Variants in CBL observed in about 807,000 individuals in gnomAD.
CBL encodes E3 ubiquitin-protein ligase CBL.
Under a neutral mutation model 96.9 loss-of-function variants are expected in CBL, and 45 were observed. The observed-to-expected ratio is 0.46, with a 90% confidence interval of 0.37 to 0.60. The LOEUF is 0.60. Among genes scored for constraint, CBL ranks in the 20% least tolerant of loss-of-function variants. The pLI, the probability that CBL is intolerant of heterozygous loss-of-function variation, is 0.00. For synonymous variants in CBL, 420 were observed against 426.8 expected (o/e 0.98, Z 0.20); for missense variants, 1,024 against 1,143.5 (o/e 0.90, Z 1.51).
chr11:119,296,079 A>G (rs1231907093), intron 12 of CBL, among the ~76,000 whole-genome samples: 3 of 152,208 alleles, frequency 2.0e-5, no homozygotes, highest in Non-Finnish European at 4.4e-5. Flanking sequence ...TTCTGTGTTA[A>G]GTTTCTATAG....
At chr11:119,248,369 C>A (rs1395184790) in intron 2 of CBL, among the ~76,000 whole-genome samples, 1 of 152,106 alleles carries the variant, frequency 6.6e-6, no homozygotes, top group Non-Finnish European at 1.5e-5. Flanking sequence ...AATGGAGAAA[C>A]AACAGTCTTT....
chr11:119,285,044 C>T lies in CBL; in HGVS notation c.1507C>T (p.Leu503=), dbSNP rs1592405051. The T allele has an allele frequency of 6.2e-7, 1 of 1,614,226 alleles. No homozygotes were observed. Among genetic ancestry groups the T allele is most frequent in the Non-Finnish European group, 8.5e-7 (1 of 1,180,040 alleles). The part of the protein sequence containing the change: ...LPPVPPRLDL[L]PQRVCVPSSA... ...CCCGGTGCCACCACGACTTGACCTT[C>T]TGCCGCAGCGAGTATGTGTTCCCTC... Residue 503 remains leucine (L), a synonymous_variant, in exon 10 of 16, where the codon CTG becomes TTG. Transcript: ENST00000264033.
rs1222060551 is a variant in CBL, at chr11:119,206,467, C to A, written c.50C>A (p.Ser17Tyr). The A allele has an allele frequency of 6.3e-7, 1 of 1,576,150 alleles. No individual in the cohort carries two copies. Among genetic ancestry groups the A allele is most frequent in the African/African-American group, 1.4e-5 (1 of 73,774 alleles). Residue 17 changes from serine (S) to tyrosine (Y), a missense_variant, in exon 1 of 16, where the codon TCC becomes TAC. Ser to Tyr is a moderately radical substitution (Grantham distance 144). Coordinates refer to ENST00000264033, the MANE Select transcript of CBL (RefSeq NM_005188.4). ...TCTGGGGCCGGGGGCGGCAGCGGCT[C>A]CGGGGGCTCGGGTTCGGGTGGCCTG... The part of the protein sequence containing the change: ...KSSGAGGGSG[S>Y]GGSGSGGLIG...
chr11:119,248,801 ATTC>A (rs967729061), intron 2 of CBL, among the ~76,000 whole-genome samples: 2 of 152,220 alleles, frequency 1.3e-5, no homozygotes, highest in African/African-American at 4.8e-5. Flanking sequence ...AAACAAACCA[ATTC>A]AAAAATGCTC....
Position 119,298,415 on chromosome 11 carries a change from A to G in CBL, c.2309A>G (p.Glu770Gly), listed in dbSNP as rs1950077955. Reference protein sequence around the residue: ...ANTGPEESENEDDGYDVPKPP... With the variant: ...ANTGPEESENGDDGYDVPKPP... The stretch of plus-strand genomic sequence containing the variant: ...ACTGGTCCCGAGGAGTCAGAAAATG[A>G]GGATGATGGGTATGATGTCCCAAAG... The change falls in exon 15 of 16, where the codon GAG becomes GGG. Residue 770 changes from glutamate to glycine, a missense_variant. Around this residue, in one of 4 missense-constraint regions of CBL, gnomAD observed 695 missense variants for 661.6 expected, o/e 1.05. Transcript: ENST00000264033. 3.1e-6 allele frequency: 5 copies of G among 1,614,108 alleles called. No individual in the cohort carries two copies. Among genetic ancestry groups the G allele is most frequent in the Non-Finnish European group, 1.7e-6 (2 of 1,180,032 alleles).
intron 1 of CBL, among the ~76,000 whole-genome samples, chr11:119,231,420 CAAACA>C: frequency 6.7e-6 from 1 of 149,672 alleles, no homozygotes; most frequent in Non-Finnish European, 1.5e-5. Context: ...AAACAAAAAA[CAAACA>C]AAGGGCCTGT....
chr11:119,297,314 G>T, intron 13 of CBL, 70 bp from the exon 14 acceptor site: 1 of 1,227,744 alleles, frequency 8.1e-7, no homozygotes. Context: ...ACGAGAAGAT[G>T]AATCTTCATA....
chr11:119,219,872 C>T (rs1275854802), intron 1 of CBL, among the ~76,000 whole-genome samples: 2 of 135,654 alleles, frequency 1.5e-5, no homozygotes, highest in African/African-American at 2.8e-5. Context: ...TTTTTTGAGA[C>T]GGAGTCTTGC....
chr11:119,276,161 T>C (rs747803813), intron 6 of CBL, 27 bp downstream of exon 6: 82 of 1,613,430 alleles, frequency 5.1e-5, no homozygotes, highest in Non-Finnish European at 1.1e-5. Flanking sequence ...TACCATCTGT[T>C]AGAGTCTGGG....
intron 2 of CBL, among the ~76,000 whole-genome samples, chr11:119,244,244 G>C (rs1345355615): frequency 6.6e-6 from 1 of 152,164 alleles, no homozygotes; most frequent in Non-Finnish European, 1.5e-5. Flanking sequence ...GTCACAGTTA[G>C]TTCTCAGCAT....
intron 2 of CBL, among the ~76,000 whole-genome samples, chr11:119,264,438 C>CTTCTCTTCTCTTTTCTTCTTTTCTCTT (rs1565868365): frequency 1.1e-5 from 1 of 93,604 alleles, no homozygotes; most frequent in Non-Finnish European, 2.4e-5. Flanking sequence ...CTTCTCTTCT[C>CTTCTCTTCTCTTTTCTTCTTTTCTCTT]TTCTTTCTCT....
intron 11 of CBL, among the ~76,000 whole-genome samples, chr11:119,286,725 T>G (rs926691313): frequency 1.3e-5 from 2 of 152,160 alleles, no homozygotes; most frequent in African/African-American, 4.8e-5. Context: ...AGGTTATTGG[T>G]CCTTTGTCTA....
At chr11:119,288,212 C>G (rs946159184) in intron 12 of CBL, among the ~76,000 whole-genome samples, 1 of 152,134 alleles carries the variant, frequency 6.6e-6, no homozygotes, top group Non-Finnish European at 1.5e-5. Context: ...TGTTTCATTG[C>G]TCTGCGCTCT....
chr11:119,277,611 TA>T, intron 6 of CBL, 145 bp from the exon 7 acceptor site: 1 of 654,852 alleles, frequency 1.5e-6, no homozygotes, highest in East Asian at 2.7e-5. Context: ...TTTTTGGAAG[TA>T]TTTTTTTTTT....
At chr11:119,249,613 A>G (rs34340573) in intron 2 of CBL, among the ~76,000 whole-genome samples, 3 of 150,920 alleles carry the variant, frequency 2.0e-5, no homozygotes, top group Non-Finnish European at 2.9e-5. Flanking sequence ...AACAAAAGGG[A>G]AAGGAAAGTG....
At position 119,300,562 on chromosome 11, in the gene CBL, T is replaced by TATA. The variant is rs1950094710; in HGVS notation, c.*782_*784dup. ...AGGAAAAGTACTGTTGCTACACTAT[T>TATA]ATAGGCATGTTTGATACTAGCAGCT... On this transcript the variant is annotated 3_prime_UTR_variant, in exon 16 of 16. Coordinates refer to ENST00000264033, the MANE Select transcript of CBL (RefSeq NM_005188.4). 5.0e-6 allele frequency: 2 copies of TATA among 399,540 alleles called. No homozygotes were observed. The highest frequency in any genetic ancestry group is 7.1e-5 in the East Asian group (2 of 28,102). 24.7% of individuals were successfully genotyped at this position (399,540 alleles called of 1,614,324 possible). A position where few individuals can be genotyped will look rare whatever the true frequency, so the allele number is the denominator to read the frequency against.
chr11:119,234,638 A>G (rs1387275353), intron 2 of CBL, among the ~76,000 whole-genome samples: 4 of 152,210 alleles, frequency 2.6e-5, no homozygotes, highest in Non-Finnish European at 4.4e-5. Flanking sequence ...GATATGTACA[A>G]AATTCTGTTG....
intron 2 of CBL, among the ~76,000 whole-genome samples, chr11:119,261,410 TTAAA>T (rs1445725707): frequency 6.6e-6 from 1 of 152,138 alleles, no homozygotes; most frequent in Non-Finnish European, 1.5e-5. Flanking sequence ...TACTCAGGAG[TTAAA>T]TAATTAATGG....
rs925577429 is a variant in CBL at position 119,299,387 on chromosome 11, C to G, written c.2435-108C>G. 3.9e-5 allele frequency: 40 copies of G among 1,017,852 alleles called. 2 individuals carry two copies. The highest frequency in any genetic ancestry group is 2.9e-4 in the Admixed American group (15 of 51,768). 63.1% of individuals were successfully genotyped at this position (1,017,852 alleles called of 1,614,324 possible). A position where few individuals can be genotyped will look rare whatever the true frequency, so the allele number is the denominator to read the frequency against. ...CCTTGTGACTGAAGAGCACATGTAC[C>G]CAGTTTACAGGAAGTCAGTAATATC... On this transcript the variant is annotated intron_variant, in intron 15 of 15. Coordinates refer to ENST00000264033, the MANE Select transcript of CBL (RefSeq NM_005188.4).
Sources: gnomAD v4.1 joint callset for allele counts (sites outside exome capture counted in the v4.1 genomes callset) on GRCh38, gnomAD v4.1.1 for gene constraint, gnomAD v4.1.1 regional missense constraint, MANE v1.5 for transcripts, NCBI Gene and HGNC (gene_info 2026-07-23, HGNC 2026-07-21) for gene names.